TUSC3: variants seen among roughly 807,000 people sequenced by gnomAD.
The protein encoded by TUSC3 is dolichyl-diphosphooligosaccharide--protein glycosyltransferase subunit TUSC3.
Under a neutral mutation model 44.8 loss-of-function variants are expected in TUSC3, and 45 were observed. The ratio of observed to expected loss-of-function variants is 1.00; its 90% CI spans 0.79 to 1.29. The LOEUF is 1.29. Among genes scored for constraint, TUSC3 ranks in the 50% most tolerant of loss-of-function variants. The pLI is 0.00. For missense variants in TUSC3, 519 were observed against 437.9 expected, an observed-to-expected ratio of 1.19 and a Z score of -1.65; for synonymous variants, 212 against 152.9, an observed-to-expected ratio of 1.39 and a Z score of -2.85.
chr8:15,540,639 C>G, intron 1 of TUSC3, 71 bp downstream of exon 1: 2 of 1,453,230 alleles, frequency 1.4e-6, no homozygotes, highest in Non-Finnish European at 1.8e-6. Context: ...GCCAGGCAGC[C>G]CTGCCGTGTT....
At chr8:15,548,750 T>G (rs779792233) in intron 1 of TUSC3, among the ~76,000 whole-genome samples, 1 of 151,904 alleles carries the variant, frequency 6.6e-6, no homozygotes, top group East Asian at 1.9e-4. Flanking sequence ...TGCCCATGAC[T>G]GTACAACTTG....
At chr8:15,456,389 A>G (rs1430850040) in intron 1 of TUSC3, among the ~76,000 whole-genome samples, 1 of 152,212 alleles carries the variant, frequency 6.6e-6, no homozygotes, top group Non-Finnish European at 1.5e-5. Flanking sequence ...ATAAAAGCAA[A>G]TTAAATAGAA....
intron 1 of TUSC3, among the ~76,000 whole-genome samples, chr8:15,572,165 A>C (rs568941048): frequency 6.6e-6 from 1 of 152,084 alleles, no homozygotes; most frequent in African/African-American, 2.4e-5. Context: ...TGTTTAGTCT[A>C]CTCTGAACAT....
chr8:15,779,883 A>T, the TUSC3 span, among the ~76,000 whole-genome samples: 3 of 152,202 alleles, frequency 2.0e-5, no homozygotes, highest in African/African-American at 7.2e-5. Flanking sequence ...TCTGTGTCAT[A>T]CTTAATGGTG....
intron 1 of TUSC3, among the ~76,000 whole-genome samples, chr8:15,604,983 C>T (rs749122960): frequency 2.0e-5 from 3 of 151,758 alleles, no homozygotes; most frequent in Admixed American, 2.0e-4. Context: ...TAAAGAGATA[C>T]ATAAAACTCT....
At chr8:15,454,222 T>G (rs556644714) in intron 1 of TUSC3, among the ~76,000 whole-genome samples, 1 of 152,172 alleles carries the variant, frequency 6.6e-6, no homozygotes, top group African/African-American at 2.4e-5. Context: ...ACTTGATCTC[T>G]CAAGTCACCC....
rs916059877 is a variant in TUSC3, at chr8:15,765,172, C to T, written c.*1016C>T. Reference sequence around the variant, plus strand: ...TATGGTATTTCTTCCTCACAATAACCTTGTAAATTAGTCAGGAAATGTAAA... The same window carrying T: ...TATGGTATTTCTTCCTCACAATAACTTTGTAAATTAGTCAGGAAATGTAAA... On this transcript the variant is annotated 3_prime_UTR_variant, in exon 11 of 11. Coordinates refer to ENST00000503731, the MANE Select transcript of TUSC3 (RefSeq NM_006765.4). 7.2e-5 allele frequency: 11 copies of T among 151,970 alleles called. No individual in the cohort carries two copies. Among genetic ancestry groups the T allele is most frequent in the Admixed American group, 2.0e-4 (3 of 15,244 alleles). The allele number at this position is 151,970 out of a possible 1,614,324, so 9.4% of individuals were successfully genotyped here.
At chr8:15,851,150 C>T in the TUSC3 span, among the ~76,000 whole-genome samples, 39 of 152,192 alleles carry the variant, frequency 2.6e-4, no homozygotes, top group Non-Finnish European at 5.1e-4. Context: ...CATCCTCTGG[C>T]CTTCAAAATA....
intron 7 of TUSC3, among the ~76,000 whole-genome samples, chr8:15,740,611 C>T (rs1236578572): frequency 2.0e-5 from 3 of 151,726 alleles, no homozygotes; most frequent in South Asian, 2.1e-4. Flanking sequence ...GTGAGCTATT[C>T]GTACAACTCT....
chr8:15,607,524 A>G (rs1458581162), intron 1 of TUSC3, among the ~76,000 whole-genome samples: 1 of 152,212 alleles, frequency 6.6e-6, no homozygotes, highest in Non-Finnish European at 1.5e-5. Flanking sequence ...AACAATTGTC[A>G]TTAAGTAAAA....
chr8:15,574,393 C>G (rs1431625960), intron 1 of TUSC3, among the ~76,000 whole-genome samples: 4 of 152,076 alleles, frequency 2.6e-5, no homozygotes, highest in Admixed American at 2.0e-4. Flanking sequence ...TTTTAGTGGT[C>G]AACTTACATT....
At chr8:15,761,633 G>T (rs912841461) in intron 10 of TUSC3, among the ~76,000 whole-genome samples, 1 of 152,176 alleles carries the variant, frequency 6.6e-6, no homozygotes, top group Non-Finnish European at 1.5e-5. Flanking sequence ...GATAACTACA[G>T]TGCGATTCGT....
At chr8:15,458,992 C>T (rs1470089019) in intron 1 of TUSC3, among the ~76,000 whole-genome samples, 2 of 152,156 alleles carry the variant, frequency 1.3e-5, no homozygotes, top group Non-Finnish European at 1.5e-5. Context: ...AGACCAGGTT[C>T]ATTTTTATTA....
Position 15,625,620 on chromosome 8 carries a change from T to G in TUSC3, c.308+2371T>G, listed in dbSNP as rs150443923. Among the ~76,000 whole-genome samples, 125 of 152,360 alleles carry G rather than the reference T, an allele frequency of 8.2e-4. 1 individual carries two copies. The highest frequency in any genetic ancestry group is 2.8e-3 in the African/African-American group (118 of 41,588). ...GCATGTGCCAGCATTGTCCATGTTG[T>G]ATATTCATTGTAGACTTGGTTTAGG... On this transcript the variant is annotated intron_variant, in intron 2 of 10. Transcript: ENST00000503731.
intron 7 of TUSC3, among the ~76,000 whole-genome samples, chr8:15,731,913 G>T (rs752905226): frequency 2.0e-5 from 3 of 152,154 alleles, no homozygotes; most frequent in Non-Finnish European, 4.4e-5. Flanking sequence ...TCAAGTGGTG[G>T]TATATAGTGA....
intron 1 of TUSC3, among the ~76,000 whole-genome samples, chr8:15,616,081 CAG>C (rs1461753989): frequency 1.3e-5 from 2 of 151,990 alleles, no homozygotes; most frequent in African/African-American, 4.8e-5. Flanking sequence ...TGGTCGATAA[CAG>C]AGTAGGAAGG....
intron 1 of TUSC3, among the ~76,000 whole-genome samples, chr8:15,449,266 G>A (rs1447217559): frequency 6.6e-6 from 1 of 152,164 alleles, no homozygotes; most frequent in Non-Finnish European, 1.5e-5. Context: ...ATGAAAGAAG[G>A]AATGGGCACA....
At chr8:15,807,516 C>G in the TUSC3 span, among the ~76,000 whole-genome samples, 4,224 of 152,168 alleles carry the variant, frequency 0.028, 196 homozygotes, top group African/African-American at 0.095. Flanking sequence ...AATCCCACTA[C>G]TGAGTATATA....
At chr8:15,487,405 C>G (rs1240127834) in intron 2 of TUSC3, among the ~76,000 whole-genome samples, 1 of 152,134 alleles carries the variant, frequency 6.6e-6, no homozygotes, top group African/African-American at 2.4e-5. Context: ...CAATCAGTTT[C>G]TTTTCTAGCA....
Sources: allele counts gnomAD v4.1 joint callset (sites outside exome capture counted in the v4.1 genomes callset), GRCh38; gene constraint gnomAD v4.1.1; transcripts MANE v1.5; gene names NCBI Gene and HGNC (gene_info 2026-07-23, HGNC 2026-07-21).